Variants in NTM observed in about 807,000 individuals in gnomAD.
NTM encodes the protein IgLON family member 2.
Under a neutral mutation model 42.1 loss-of-function variants are expected in NTM, and 13 were observed. That is an observed-to-expected ratio of 0.31 (90% CI 0.20 to 0.49). NTM has a LOEUF of 0.49. Among genes scored for constraint, NTM ranks in the 20% least tolerant of loss-of-function variants. The pLI is 0.99. For synonymous variants in NTM, 187 were observed against 179.2 expected (o/e 1.04, Z -0.35); for missense variants, 373 against 452.8 (o/e 0.82, Z 1.60).
At chr11:131,412,446 G>A (rs891705693) in intron 1 of NTM, among the ~76,000 whole-genome samples, 5 of 152,164 alleles carry the variant, frequency 3.3e-5, no homozygotes, top group Non-Finnish European at 7.4e-5. Flanking sequence ...TCAACCCAAA[G>A]CATAGATTTG....
intron 1 of NTM, among the ~76,000 whole-genome samples, chr11:131,787,354 G>GATGATTATTATTATTATTATTATT (rs1555125914): frequency 2.8e-5 from 4 of 144,436 alleles, no homozygotes; most frequent in African/African-American, 1.0e-4. Context: ...CATAATACAA[G>GATGATTATTATTATTATTATTATT]ATTATTATTA....
At chr11:132,118,945 G>A (rs922116674) in intron 2 of NTM, among the ~76,000 whole-genome samples, 3 of 152,118 alleles carry the variant, frequency 2.0e-5, no homozygotes, top group Non-Finnish European at 4.4e-5. Context: ...GGGCTGGGAG[G>A]GGGAGGAGTA....
intron 2 of NTM, among the ~76,000 whole-genome samples, chr11:132,073,695 A>G (rs2057999889): frequency 1.3e-5 from 2 of 152,228 alleles, no homozygotes; most frequent in Non-Finnish European, 2.9e-5. Context: ...TCATCTGTCC[A>G]GGAGTCCAGG....
chr11:132,113,301 G>A (rs1425298124), intron 2 of NTM, among the ~76,000 whole-genome samples: 1 of 152,142 alleles, frequency 6.6e-6, no homozygotes, highest in Admixed American at 6.5e-5. Context: ...TCATATCCAC[G>A]GTTGTAATGA....
intron 2 of NTM, among the ~76,000 whole-genome samples, chr11:132,145,765 T>C (rs1053379777): frequency 6.6e-6 from 1 of 152,142 alleles, no homozygotes; most frequent in Non-Finnish European, 1.5e-5. Flanking sequence ...GGAATGATGT[T>C]TAGTAGTTAA....
intron 2 of NTM, among the ~76,000 whole-genome samples, chr11:132,048,152 A>G (rs941733928): frequency 1.1e-4 from 16 of 152,112 alleles, no homozygotes; most frequent in African/African-American, 3.9e-4. Flanking sequence ...CTAGGGGTAT[A>G]TAGAAGAACT....
chr11:131,621,381 C>A (rs2062521407), intron 1 of NTM, among the ~76,000 whole-genome samples: 2 of 151,994 alleles, frequency 1.3e-5, no homozygotes, highest in South Asian at 4.2e-4. Flanking sequence ...GAGAGATGTT[C>A]CTGGGGGCAT....
intron 1 of NTM, among the ~76,000 whole-genome samples, chr11:131,856,977 A>G (rs2046172625): frequency 6.6e-6 from 1 of 152,210 alleles, no homozygotes; most frequent in African/African-American, 2.4e-5. Context: ...CTCCTTTGAT[A>G]AAAAAGCCCT....
intron 1 of NTM, among the ~76,000 whole-genome samples, chr11:131,650,844 C>T (rs552192130): frequency 3.9e-5 from 6 of 152,258 alleles, no homozygotes; most frequent in Admixed American, 2.6e-4. Context: ...CCTTCTTCTT[C>T]AGGGGTTGGT....
intron 1 of NTM, among the ~76,000 whole-genome samples, chr11:131,479,602 A>C (rs559967025): frequency 2.0e-5 from 3 of 152,350 alleles, no homozygotes; most frequent in African/African-American, 7.2e-5. Context: ...GAACAGCCAG[A>C]AAAGTGGGCT....
At chr11:131,466,852 G>A (rs1391481364) in intron 1 of NTM, among the ~76,000 whole-genome samples, 1 of 151,966 alleles carries the variant, frequency 6.6e-6, no homozygotes, top group Non-Finnish European at 1.5e-5. Flanking sequence ...TTATTGTGTT[G>A]GAAATTTGCA....
intron 1 of NTM, among the ~76,000 whole-genome samples, chr11:131,560,870 G>T (rs1023270648): frequency 2.0e-5 from 3 of 152,182 alleles, no homozygotes; most frequent in Non-Finnish European, 4.4e-5. Context: ...CCCTTTCTCT[G>T]TGTGTAAGCA....
At chr11:131,771,666 TCTC>T (rs2086118194) in intron 1 of NTM, 1 of 152,236 alleles carries the variant, frequency 6.6e-6, no homozygotes, top group Non-Finnish European at 1.5e-5. Context: ...ATCTCAGTGT[TCTC>T]CTCCTCAGAG....
intron 1 of NTM, among the ~76,000 whole-genome samples, chr11:131,479,200 C>A (rs753177075): frequency 5.9e-5 from 9 of 152,294 alleles, no homozygotes; most frequent in Admixed American, 2.6e-4. Flanking sequence ...CCTTGTGAAG[C>A]ATTTTAGGGC....
At chr11:132,209,589 T>C (rs917279377) in intron 3 of NTM, among the ~76,000 whole-genome samples, 2 of 152,198 alleles carry the variant, frequency 1.3e-5, no homozygotes, top group African/African-American at 2.4e-5. Context: ...ATGTAATTTA[T>C]AGTATAAAAG....
intron 4 of NTM, among the ~76,000 whole-genome samples, chr11:132,240,067 G>GTCCATCCATCTA (rs1555329357): frequency 3.3e-5 from 3 of 91,034 alleles, no homozygotes; most frequent in African/African-American, 8.4e-5. Context: ...CCCTCCATCC[G>GTCCATCCATCTA]TCCATCCATC....
intron 4 of NTM, among the ~76,000 whole-genome samples, chr11:132,228,189 C>T (rs996828012): frequency 1.3e-5 from 2 of 152,274 alleles, no homozygotes; most frequent in South Asian, 2.1e-4. Context: ...CTGCCCAAGT[C>T]GTATCCTCAG....
At chr11:132,056,907 G>A (rs577168352) in intron 2 of NTM, among the ~76,000 whole-genome samples, 1 of 152,332 alleles carries the variant, frequency 6.6e-6, no homozygotes, top group African/African-American at 2.4e-5. Flanking sequence ...TGATGAATGA[G>A]TCACCACCAG....
At chr11:131,531,694 G>A (rs1021785198) in intron 1 of NTM, among the ~76,000 whole-genome samples, 2 of 152,172 alleles carry the variant, frequency 1.3e-5, no homozygotes, top group African/African-American at 4.8e-5. Context: ...AGTTAGGAGT[G>A]TTACTCTGAG....
Sources: gnomAD v4.1 joint callset for allele counts (sites outside exome capture counted in the v4.1 genomes callset) on GRCh38, gnomAD v4.1.1 for gene constraint, MANE v1.5 for transcripts, NCBI Gene and HGNC (gene_info 2026-07-23, HGNC 2026-07-21) for gene names.